Variants in ELAPOR2 observed in about 807,000 individuals in gnomAD.
ELAPOR2 encodes endosome/lysosome-associated apoptosis and autophagy regulator family member 2.
A neutral mutation model predicts 120.7 loss-of-function variants in ELAPOR2; 89 were observed. The observed-to-expected ratio is 0.74, with a 90% confidence interval of 0.62 to 0.88. ELAPOR2 has a LOEUF of 0.88. Among genes scored for constraint, ELAPOR2 ranks in the 40% least tolerant of loss-of-function variants. The probability of loss-of-function intolerance (pLI) is 0.00; values close to 1 mark genes in which losing one functional copy is unlikely to be tolerated. For missense variants in ELAPOR2, 1,134 were observed against 1,251.6 expected (o/e 0.91, Z 1.42); for synonymous variants, 444 against 444.9 (o/e 1.00, Z 0.03).
At chr7:86,973,184 A>C (rs1187647505) in intron 1 of ELAPOR2, among the ~76,000 whole-genome samples, 1 of 152,132 alleles carries the variant, frequency 6.6e-6, no homozygotes, top group Non-Finnish European at 1.5e-5. Context: ...CCTTGCTCAA[A>C]ACCCCAGAAT....
At chr7:87,026,518 A>C (rs368605241) in intron 1 of ELAPOR2, among the ~76,000 whole-genome samples, 304 of 152,086 alleles carry the variant, frequency 2.0e-3, no homozygotes, top group African/African-American at 7.0e-3. Context: ...TGAACTTTAG[A>C]ATTCCCAGTT....
intron 1 of ELAPOR2, among the ~76,000 whole-genome samples, chr7:86,970,835 T>C (rs1792083338): frequency 6.6e-6 from 1 of 152,188 alleles, no homozygotes; most frequent in African/African-American, 2.4e-5. Context: ...TGTATTTCTT[T>C]TTAGAAATTA....
At chr7:86,928,978 A>G (rs1226098215) in intron 8 of ELAPOR2, among the ~76,000 whole-genome samples, 1 of 151,958 alleles carries the variant, frequency 6.6e-6, no homozygotes, top group Non-Finnish European at 1.5e-5. Flanking sequence ...GAGGGCTTCC[A>G]GTGCAGATGA....
At chr7:87,044,960 C>T (rs1174283971) in intron 1 of ELAPOR2, among the ~76,000 whole-genome samples, 1 of 147,746 alleles carries the variant, frequency 6.8e-6, no homozygotes, top group Non-Finnish European at 1.5e-5. Flanking sequence ...CATGAACAGA[C>T]ACTTCTCAAA....
chr7:86,973,052 A>G (rs946115659), intron 1 of ELAPOR2, among the ~76,000 whole-genome samples: 7 of 151,994 alleles, frequency 4.6e-5, no homozygotes, highest in African/African-American at 1.2e-4. Context: ...ACCTATTTCA[A>G]TCTCATCTCC....
At chr7:86,964,032 C>T (rs778418392) in intron 2 of ELAPOR2, among the ~76,000 whole-genome samples, 11 of 152,204 alleles carry the variant, frequency 7.2e-5, no homozygotes, top group East Asian at 1.9e-4. Context: ...CAGCTAGTGA[C>T]AGAGGAATGC....
intron 4 of ELAPOR2, among the ~76,000 whole-genome samples, chr7:86,943,387 A>G (rs1790879256): frequency 6.6e-6 from 1 of 152,018 alleles, no homozygotes; most frequent in Non-Finnish European, 1.5e-5. Flanking sequence ...CAATGCCCAT[A>G]TGTACAACTC....
At chr7:86,897,918 C>A (rs1165643358) in intron 18 of ELAPOR2, among the ~76,000 whole-genome samples, 1 of 152,124 alleles carries the variant, frequency 6.6e-6, no homozygotes. Context: ...TGTGCACCTG[C>A]TTTGAAAAGT....
chr7:86,966,905 T>A (rs1306478407), intron 1 of ELAPOR2, among the ~76,000 whole-genome samples: 1 of 152,136 alleles, frequency 6.6e-6, no homozygotes, highest in African/African-American at 2.4e-5. Context: ...CTTCTCCTCC[T>A]CTTGTGATAG....
chr7:86,902,713 C>A (rs1273099191), intron 18 of ELAPOR2, among the ~76,000 whole-genome samples: 2 of 152,136 alleles, frequency 1.3e-5, no homozygotes, highest in African/African-American at 4.8e-5. Context: ...GAAGTTTGCA[C>A]CCTTTGCAGG....
At chr7:86,977,563 C>T (rs767341960) in intron 1 of ELAPOR2, among the ~76,000 whole-genome samples, 1 of 152,180 alleles carries the variant, frequency 6.6e-6, no homozygotes, top group African/African-American at 2.4e-5. Flanking sequence ...CCTGAGGAAT[C>T]AATAACCTCA....
At chr7:87,052,389 G>A (rs1298720331) in intron 1 of ELAPOR2, among the ~76,000 whole-genome samples, 1 of 152,180 alleles carries the variant, frequency 6.6e-6, no homozygotes, top group Non-Finnish European at 1.5e-5. Context: ...AGAACAGCAT[G>A]TGAAATAACT....
intron 1 of ELAPOR2, among the ~76,000 whole-genome samples, chr7:86,988,953 G>A (rs781634283): frequency 1.1e-4 from 17 of 152,156 alleles, no homozygotes; most frequent in Non-Finnish European, 2.4e-4. Context: ...AGCCTAATGA[G>A]TAAATTTACT....
chr7:87,030,500 G>T (rs74814189), intron 1 of ELAPOR2, among the ~76,000 whole-genome samples: 3,008 of 152,220 alleles, frequency 0.02, 93 homozygotes, highest in African/African-American at 0.068. Flanking sequence ...TGATGGATTT[G>T]TGATTTATGG....
chr7:87,043,472 A>T (rs1157457452), intron 1 of ELAPOR2, among the ~76,000 whole-genome samples: 4 of 151,912 alleles, frequency 2.6e-5, no homozygotes, highest in Non-Finnish European at 4.4e-5. Context: ...CAAATCAATA[A>T]ATATAATCCA....
chr7:87,040,833 C>G (rs1189345101), intron 1 of ELAPOR2, among the ~76,000 whole-genome samples: 1 of 152,002 alleles, frequency 6.6e-6, no homozygotes, highest in Non-Finnish European at 1.5e-5. Flanking sequence ...GGAGGACATT[C>G]AAACCAAAGG....
At chr7:87,040,176 C>G (rs938467654) in intron 1 of ELAPOR2, among the ~76,000 whole-genome samples, 1 of 152,196 alleles carries the variant, frequency 6.6e-6, no homozygotes, top group Non-Finnish European at 1.5e-5. Context: ...AACTGCAAGG[C>G]GGCAGCGAGG....
intron 5 of ELAPOR2, 40 bp from the exon 6 acceptor site, chr7:86,940,155 C>T: frequency 2.4e-5 from 31 of 1,287,422 alleles, no homozygotes; most frequent in Non-Finnish European, 3.5e-5. Context: ...GCAGATAAGC[C>T]ATGCCATTTC....
At chr7:86,886,307 G>C (rs576469479) in intron 21 of ELAPOR2, among the ~76,000 whole-genome samples, 18 of 152,204 alleles carry the variant, frequency 1.2e-4, no homozygotes, top group Middle Eastern at 3.4e-3. Flanking sequence ...TTTTATATCA[G>C]CTAGCCTACA....
Sources: allele counts gnomAD v4.1 joint callset (sites outside exome capture counted in the v4.1 genomes callset), GRCh38; gene constraint gnomAD v4.1.1; transcripts MANE v1.5; gene names NCBI Gene and HGNC (gene_info 2026-07-23, HGNC 2026-07-21).